CSMD1: variants seen among roughly 807,000 people sequenced by gnomAD.
CSMD1 encodes the protein CUB and sushi domain-containing protein 1.
CSMD1 carries 213 observed loss-of-function variants against 417.5 expected under a neutral mutation model. The ratio of observed to expected loss-of-function variants is 0.51; its 90% CI spans 0.46 to 0.57. The LOEUF is 0.57. Ranked by LOEUF, CSMD1 falls within the 20% of genes least tolerant of loss-of-function variation. The pLI, the probability that CSMD1 is intolerant of heterozygous loss-of-function variation, is 0.00. For missense variants in CSMD1, 6,923 were observed against 4,529.7 expected (o/e 1.53, Z -15.17); for synonymous variants, 2,862 against 1,736.8 (o/e 1.65, Z -16.11).
At chr8:3,743,722 G>T (rs1034595368) in intron 6 of CSMD1, among the ~76,000 whole-genome samples, 1 of 152,126 alleles carries the variant, frequency 6.6e-6, no homozygotes, top group African/African-American at 2.4e-5. Context: ...TGAGCTGCAA[G>T]ATCGTTACTC....
intron 1 of CSMD1, among the ~76,000 whole-genome samples, chr8:4,896,359 C>T (rs1325070501): frequency 2.0e-5 from 3 of 152,048 alleles, no homozygotes; most frequent in Non-Finnish European, 2.9e-5. Flanking sequence ...GAGCTTAACA[C>T]AGGGAGCATT....
intron 3 of CSMD1, among the ~76,000 whole-genome samples, chr8:4,354,909 T>TGTGTGTGTGTGTGTGTGTG (rs201029099): frequency 2.7e-5 from 4 of 146,818 alleles, no homozygotes; most frequent in South Asian, 2.2e-4. Flanking sequence ...TGTGTGTGTG[T>TGTGTGTGTGTGTGTGTGTG]TAAATATTTG....
At chr8:3,269,339 G>C (rs577280437) in intron 26 of CSMD1, among the ~76,000 whole-genome samples, 1 of 152,198 alleles carries the variant, frequency 6.6e-6, no homozygotes, top group African/African-American at 2.4e-5. Context: ...CTCCAGCTAC[G>C]CTTGTCTTGT....
chr8:4,100,230 T>A (rs1273628535), intron 3 of CSMD1, among the ~76,000 whole-genome samples: 1 of 152,208 alleles, frequency 6.6e-6, no homozygotes, highest in Non-Finnish European at 1.5e-5. Flanking sequence ...GTCTCTAGCA[T>A]ACAGATGGAA....
chr8:4,195,378 A>AT (rs1188304721), intron 3 of CSMD1, among the ~76,000 whole-genome samples: 1 of 152,164 alleles, frequency 6.6e-6, no homozygotes, highest in Non-Finnish European at 1.5e-5. Flanking sequence ...CTTCTATAAC[A>AT]TTTTTTAAAA....
intron 5 of CSMD1, among the ~76,000 whole-genome samples, chr8:3,852,651 C>A (rs2975380): frequency 6.6e-6 from 1 of 151,878 alleles, no homozygotes; most frequent in South Asian, 2.1e-4. Context: ...CAAGGGGAAA[C>A]TGAGGCAGGC....
chr8:4,150,846 A>G (rs896831182), intron 3 of CSMD1, among the ~76,000 whole-genome samples: 2 of 150,784 alleles, frequency 1.3e-5, no homozygotes, highest in African/African-American at 4.9e-5. Context: ...TAACCTTAAC[A>G]ATATGGATTA....
chr8:4,722,680 T>A (rs542425354), intron 1 of CSMD1, among the ~76,000 whole-genome samples: 1 of 152,238 alleles, frequency 6.6e-6, no homozygotes, highest in Admixed American at 6.5e-5. Context: ...AAAAAAAAAG[T>A]TTCTAATTTT....
At chr8:3,544,715 C>T (rs1487631547) in intron 10 of CSMD1, among the ~76,000 whole-genome samples, 13 of 152,036 alleles carry the variant, frequency 8.6e-5, no homozygotes, top group Admixed American at 4.6e-4. Flanking sequence ...CTTGACTAGA[C>T]GGGGTTCAGG....
chr8:4,541,610 T>C (rs1304070672), intron 2 of CSMD1, among the ~76,000 whole-genome samples: 1 of 152,076 alleles, frequency 6.6e-6, no homozygotes, highest in Admixed American at 6.6e-5. Context: ...TAGCCGGGCA[T>C]GGTGGCAAGC....
chr8:4,266,041 G>A lies in CSMD1; in HGVS notation c.415+153912C>T, dbSNP rs1194543519. On this transcript the variant is annotated intron_variant, in intron 3 of 69. Transcript: ENST00000635120. ...CGGCCCACCGCACTCAGGCTCGCCC[G>A]GCATATTAGCTGATACTGATCACCT... Among the ~76,000 whole-genome samples, 4 of 103,668 alleles carry A rather than the reference G, an allele frequency of 3.9e-5. 2 individuals carry two copies. Among genetic ancestry groups the A allele is most frequent in the East Asian group, 5.2e-4 (2 of 3,860 alleles). The allele number at this position is 103,668 out of a possible 152,430, so 68.0% of individuals were successfully genotyped here.
chr8:4,181,484 T>C (rs1798372110), intron 3 of CSMD1, among the ~76,000 whole-genome samples: 1 of 152,086 alleles, frequency 6.6e-6, no homozygotes, highest in African/African-American at 2.4e-5. Context: ...ACACTAACGA[T>C]AACTGATGAG....
At chr8:2,963,487 A>G in intron 59 of CSMD1, 92 bp from the exon 60 acceptor site, 1 of 1,299,586 alleles carries the variant, frequency 7.7e-7, no homozygotes, top group Non-Finnish European at 1.1e-6. Context: ...TACCTGAATT[A>G]CAAATGACAT....
rs140155291 is a variant in CSMD1, at chr8:3,661,590, G to A, written c.1010-44793C>T. On this transcript the variant is annotated intron_variant, in intron 7 of 69. Transcript: ENST00000635120. ...CGGCTCACGGAAACCTCCACCTCCC[G>A]GGTTCAAGTGATTCTCCCGCCTCAG... is the stretch of plus-strand genomic sequence containing the variant. Among the ~76,000 whole-genome samples, 879 of 152,034 alleles carry A rather than the reference G, an allele frequency of 5.8e-3. 10 individuals carry two copies. The highest frequency in any genetic ancestry group is 0.02 in the African/African-American group (836 of 41,458).
chr8:4,824,082 C>CCACA (rs34597770), intron 1 of CSMD1, among the ~76,000 whole-genome samples: 2,476 of 147,726 alleles, frequency 0.017, 70 homozygotes, highest in African/African-American at 0.055. Context: ...AAATAAATAT[C>CCACA]CACACACACA....
intron 1 of CSMD1, chr8:4,787,909 A>G: frequency 1.9e-6 from 3 of 1,588,714 alleles, no homozygotes; most frequent in Non-Finnish European, 2.6e-6. Flanking sequence ...TGATGTAACC[A>G]CAAAGAAATT....
At position 4,788,585 on chromosome 8, in the gene CSMD1, T is replaced by C. The variant is rs183890753; in HGVS notation, c.86-151027A>G. ...CAAGAAAATCAGAGAATGTAATTTA[T>C]AAGAAACAATGCCATTGAAATTTTT... On this transcript the variant is annotated intron_variant, in intron 1 of 69. Coordinates refer to ENST00000635120, the MANE Select transcript of CSMD1 (RefSeq NM_033225.6). 3.3e-4 allele frequency: 409 copies of C among 1,231,396 alleles called. 2 individuals carry two copies. In the East Asian group the frequency reaches 9.1e-3, roughly 28 times the overall value. 76.3% of individuals were successfully genotyped at this position (1,231,396 alleles called of 1,614,324 possible).
rs369830034 is a variant in CSMD1 at position 4,701,187 on chromosome 8, T to C, written c.86-63629A>G. On this transcript the variant is annotated intron_variant, in intron 1 of 69. Coordinates refer to ENST00000635120, the MANE Select transcript of CSMD1 (RefSeq NM_033225.6). ...CACAGCTAGGGGAGAGTCCGTCCGC[T>C]GTGTGCCCCTAGTTCCCGACTGTTC... Among the ~76,000 whole-genome samples, 223 of 152,278 alleles carry C rather than the reference T, an allele frequency of 1.5e-3. 8 individuals are homozygous for C. In the South Asian group the frequency reaches 0.04, roughly 28 times the overall value.
At chr8:4,456,470 C>G (rs528523682) in intron 2 of CSMD1, among the ~76,000 whole-genome samples, 2 of 152,118 alleles carry the variant, frequency 1.3e-5, no homozygotes, top group East Asian at 1.9e-4. Context: ...AAATCACCAA[C>G]AGACAGGGAA....
Sources: gnomAD v4.1 joint callset for allele counts (sites outside exome capture counted in the v4.1 genomes callset) on GRCh38, gnomAD v4.1.1 for gene constraint, MANE v1.5 for transcripts, NCBI Gene and HGNC (gene_info 2026-07-23, HGNC 2026-07-21) for gene names.